Variants in TNR observed in about 807,000 individuals in gnomAD.
TNR encodes tenascin-R.
Under a neutral mutation model 150.4 loss-of-function variants are expected in TNR, and 45 were observed. The ratio of observed to expected loss-of-function variants is 0.30; its 90% CI spans 0.24 to 0.38. TNR has a LOEUF of 0.38. Ranked by LOEUF, TNR falls within the 10% of genes least tolerant of loss-of-function variation. The pLI, the probability that TNR is intolerant of heterozygous loss-of-function variation, is 1.00. For missense variants in TNR, 1,544 were observed against 1,759.1 expected, an observed-to-expected ratio of 0.88 and a Z score of 2.19; for synonymous variants, 687 against 678.4, an observed-to-expected ratio of 1.01 and a Z score of -0.20.
intron 2 of TNR, among the ~76,000 whole-genome samples, chr1:175,502,091 A>C (rs1310030962): frequency 1.3e-5 from 2 of 152,326 alleles, no homozygotes; most frequent in East Asian, 3.9e-4. Context: ...ACAGTGCTGC[A>C]CATTGGAATC....
intron 1 of TNR, among the ~76,000 whole-genome samples, chr1:175,714,544 A>G (rs967755955): frequency 6.6e-6 from 1 of 152,166 alleles, no homozygotes; most frequent in Admixed American, 6.5e-5. Context: ...GTGATAAACA[A>G]TGACCACTCA....
chr1:175,545,698 CTA>C (rs1660658472), intron 1 of TNR, among the ~76,000 whole-genome samples: 1 of 152,172 alleles, frequency 6.6e-6, no homozygotes, highest in Non-Finnish European at 1.5e-5. Context: ...GGTACTGTAG[CTA>C]TGATTCCCAT....
intron 2 of TNR, among the ~76,000 whole-genome samples, chr1:175,414,195 T>G (rs1290060387): frequency 6.6e-6 from 1 of 152,114 alleles, no homozygotes; most frequent in East Asian, 1.9e-4. Context: ...AAATTTCTTT[T>G]GCTCATAAGC....
chr1:175,347,454 G>A (rs1056913536), intron 18 of TNR, among the ~76,000 whole-genome samples: 10 of 151,932 alleles, frequency 6.6e-5, no homozygotes, highest in African/African-American at 2.4e-4. Flanking sequence ...TTGAGACAGG[G>A]TCTTGCTCTG....
At chr1:175,581,188 T>C (rs1662335277) in intron 1 of TNR, among the ~76,000 whole-genome samples, 1 of 152,192 alleles carries the variant, frequency 6.6e-6, no homozygotes, top group South Asian at 2.1e-4. Flanking sequence ...CAACTAGAAC[T>C]GAAAATGGGA....
intron 2 of TNR, among the ~76,000 whole-genome samples, chr1:175,519,382 C>T (rs537107516): frequency 1.3e-5 from 2 of 152,110 alleles, no homozygotes; most frequent in African/African-American, 2.4e-5. Context: ...CATTTCCTTC[C>T]AAGAGCACTT....
intron 1 of TNR, among the ~76,000 whole-genome samples, chr1:175,665,359 G>A (rs17312000): frequency 6.6e-5 from 10 of 152,200 alleles, no homozygotes; most frequent in Non-Finnish European, 1.3e-4. Flanking sequence ...ACAGCTCCCC[G>A]ACTGGCTTCC....
At chr1:175,700,175 C>T (rs1472912293) in intron 1 of TNR, among the ~76,000 whole-genome samples, 1 of 151,304 alleles carries the variant, frequency 6.6e-6, no homozygotes, top group Non-Finnish European at 1.5e-5. Context: ...GTCAGTGAGT[C>T]CTCTAGCTTA....
chr1:175,356,836 G>A (rs942343892), intron 15 of TNR, among the ~76,000 whole-genome samples: 2 of 152,116 alleles, frequency 1.3e-5, no homozygotes, highest in Non-Finnish European at 2.9e-5. Flanking sequence ...ACATTTATGT[G>A]ACAATTTTAA....
chr1:175,674,804 A>G (rs1665811550), intron 1 of TNR, among the ~76,000 whole-genome samples: 1 of 152,066 alleles, frequency 6.6e-6, no homozygotes, highest in African/African-American at 2.4e-5. Flanking sequence ...AGAGGAGAGG[A>G]CCAGGCCCCC....
At chr1:175,590,290 GATAAA>G (rs963074389) in intron 1 of TNR, among the ~76,000 whole-genome samples, 5 of 152,152 alleles carry the variant, frequency 3.3e-5, no homozygotes, top group East Asian at 1.9e-4. Context: ...TTCTAAAAAT[GATAAA>G]ATAAAATAAA....
chr1:175,542,445 T>C (rs1364309255), intron 1 of TNR, among the ~76,000 whole-genome samples: 1 of 152,212 alleles, frequency 6.6e-6, no homozygotes, highest in Non-Finnish European at 1.5e-5. Context: ...GTGACTGGCA[T>C]ACAATGAGTC....
At position 175,319,588 on chromosome 1, in the gene TNR, A is replaced by G. The variant is rs10798381; in HGVS notation, c.*3769T>C. The G allele has an allele frequency of 0.44, 66,792 of 152,240 alleles. 16,021 individuals are homozygous for G. The highest frequency in any genetic ancestry group is 0.66 in the East Asian group (3,413 of 5,172). 9.4% of individuals were successfully genotyped at this position (152,240 alleles called of 1,614,324 possible). Reference sequence around the variant, plus strand: ...TTAGGAGTCCTACCACTTTATGAGTAGTAGAGGGGGAAGTTGGTAGGTGAG... The same window carrying G: ...TTAGGAGTCCTACCACTTTATGAGTGGTAGAGGGGGAAGTTGGTAGGTGAG... On this transcript the variant is annotated 3_prime_UTR_variant, in exon 23 of 23. Transcript: ENST00000367674.
chr1:175,361,876 G>C (rs976663259), intron 14 of TNR, among the ~76,000 whole-genome samples: 1 of 152,186 alleles, frequency 6.6e-6, no homozygotes, highest in African/African-American at 2.4e-5. Context: ...GGCCAGAGAC[G>C]GAGGAGCAGT....
intron 2 of TNR, among the ~76,000 whole-genome samples, chr1:175,464,087 A>G (rs1395825048): frequency 6.6e-6 from 1 of 152,216 alleles, no homozygotes; most frequent in East Asian, 1.9e-4. Context: ...CACATGACTA[A>G]TCACTTTCCT....
At chr1:175,382,033 C>T (rs186754528) in intron 8 of TNR, among the ~76,000 whole-genome samples, 24 of 152,352 alleles carry the variant, frequency 1.6e-4, no homozygotes, top group African/African-American at 5.3e-4. Context: ...TCAGTTAAAA[C>T]GTTACCTTTT....
At chr1:175,597,715 G>T (rs1477051056) in intron 1 of TNR, among the ~76,000 whole-genome samples, 1 of 152,160 alleles carries the variant, frequency 6.6e-6, no homozygotes, top group Non-Finnish European at 1.5e-5. Context: ...GGGCATGGGG[G>T]CCCTAGTTAG....
At chr1:175,574,321 C>A (rs1662013567) in intron 1 of TNR, among the ~76,000 whole-genome samples, 1 of 152,176 alleles carries the variant, frequency 6.6e-6, no homozygotes. Flanking sequence ...TTGTCCTTTT[C>A]TGTCTGCTCC....
At chr1:175,660,880 G>A (rs575441794) in intron 1 of TNR, among the ~76,000 whole-genome samples, 2 of 152,298 alleles carry the variant, frequency 1.3e-5, no homozygotes, top group African/African-American at 2.4e-5. Flanking sequence ...AAGAGTTGGG[G>A]CCTTAGAGAT....
Sources: allele counts gnomAD v4.1 joint callset (sites outside exome capture counted in the v4.1 genomes callset), GRCh38; gene constraint gnomAD v4.1.1; transcripts MANE v1.5; gene names NCBI Gene and HGNC (gene_info 2026-07-23, HGNC 2026-07-21).